The following STX6 variants were observed in gnomAD, a reference collection of about 807,000 sequenced individuals.
STX6 encodes the protein syntaxin-6.
Under a neutral mutation model 38.0 loss-of-function variants are expected in STX6, and 23 were observed. The ratio of observed to expected loss-of-function variants is 0.60; its 90% confidence interval spans 0.43 to 0.86. The LOEUF is 0.86. Among genes scored for constraint, STX6 ranks in the 40% least tolerant of loss-of-function variants. The pLI is 0.00. For synonymous variants in STX6, 123 were observed against 107.5 expected (o/e 1.14, Z -0.89); for missense variants, 274 against 312.9 (o/e 0.88, Z 0.94).
rs1467530336 is a variant in STX6 at position 181,022,588 on chromosome 1, C to T, written c.35+51G>A. 3.2e-6 allele frequency: 5 copies of T among 1,572,764 alleles called. No homozygotes were observed. In the South Asian group the frequency reaches 4.6e-5, roughly 15 times the overall value. ...TGCGAGAAGACCTAGGAGGTGCGGGCAGGCAGCACCGCCACCTCTTCCTCC... is the reference window on the plus strand; with the variant it reads ...TGCGAGAAGACCTAGGAGGTGCGGGTAGGCAGCACCGCCACCTCTTCCTCC... On this transcript the variant is annotated intron_variant, in intron 1 of 7. Transcript: ENST00000258301.
chr1:180,981,605 C>A (rs961599558), intron 7 of STX6, among the ~76,000 whole-genome samples: 1 of 152,142 alleles, frequency 6.6e-6, no homozygotes, highest in Admixed American at 6.5e-5. Flanking sequence ...ACCCTCCAAT[C>A]ACCTTCTCTT....
chr1:181,005,761 G>A (rs1479833237), intron 1 of STX6, among the ~76,000 whole-genome samples: 1 of 152,184 alleles, frequency 6.6e-6, no homozygotes, highest in Non-Finnish European at 1.5e-5. Context: ...AAAGTATAAT[G>A]AAGCAATCCT....
intron 1 of STX6, among the ~76,000 whole-genome samples, chr1:181,021,330 A>C (rs1558102991): frequency 6.6e-6 from 1 of 152,252 alleles, no homozygotes; most frequent in Non-Finnish European, 1.5e-5. Flanking sequence ...AGGTAGGGAT[A>C]CACATATTAC....
chr1:181,004,084 A>G (rs1656158093), intron 2 of STX6, among the ~76,000 whole-genome samples: 1 of 152,214 alleles, frequency 6.6e-6, no homozygotes, highest in South Asian at 2.1e-4. Context: ...GTGCCATTCT[A>G]AACTCTTTAC....
intron 1 of STX6, among the ~76,000 whole-genome samples, chr1:181,015,769 C>A (rs1656537426): frequency 6.6e-6 from 1 of 151,728 alleles, no homozygotes; most frequent in African/African-American, 2.4e-5. Context: ...AAGCAATTCT[C>A]CTGCCTCAGC....
chr1:181,005,385 T>G lies in STX6; in HGVS notation c.114A>C (p.Ala38=), dbSNP rs1326195135. 5 of 1,614,022 alleles carry G rather than the reference T, an allele frequency of 3.1e-6. No homozygotes were observed. The highest frequency in any genetic ancestry group is 4.2e-6 in the Non-Finnish European group (5 of 1,180,014). Residue 38 remains alanine (A), a synonymous_variant, in exon 2 of 8, where the codon GCA becomes GCC. Coordinates refer to ENST00000258301, the MANE Select transcript of STX6 (RefSeq NM_005819.6). ...TGGTCCAGTCGATTTCTTCCCTTGT[T>G]GCTGTGGAGGGGTCCTGGAGGAGCT... ...WTELLQDPST[A]TREEIDWTTN...
intron 4 of STX6, among the ~76,000 whole-genome samples, chr1:180,991,825 A>G (rs189222415): frequency 6.6e-6 from 1 of 152,210 alleles, no homozygotes; most frequent in Admixed American, 6.5e-5. Flanking sequence ...TATTCCTTGA[A>G]AATTTGCAAC....
chr1:180,977,561 G>A (rs1377022943), intron 7 of STX6, among the ~76,000 whole-genome samples: 1 of 152,230 alleles, frequency 6.6e-6, no homozygotes, highest in East Asian at 1.9e-4. Flanking sequence ...TAGAAAAAAT[G>A]AGCAGTCCTT....
chr1:181,022,528 C>CGT (rs1656768753), intron 1 of STX6, 111 bp downstream of exon 1: 1 of 1,119,314 alleles, frequency 8.9e-7, no homozygotes, highest in East Asian at 2.6e-5. Flanking sequence ...CACTGTTCCC[C>CGT]CTCCCCAGCT....
At chr1:181,018,822 T>C (rs1656643641) in intron 1 of STX6, among the ~76,000 whole-genome samples, 1 of 152,234 alleles carries the variant, frequency 6.6e-6, no homozygotes, top group Non-Finnish European at 1.5e-5. Flanking sequence ...CCTAATTTCA[T>C]GTCATTTCCT....
Position 181,022,626 on chromosome 1 carries a change from G to T in STX6, c.35+13C>A. On this transcript the variant is annotated intron_variant, in intron 1 of 7. Transcript: ENST00000258301. The stretch of plus-strand genomic sequence containing the variant: ...CACCTCTTCCTCCGGTGGAGCGCTC[G>T]GCCGACACTCACCCTTTCACCACAA... 6.2e-7 allele frequency: 1 copy of T among 1,608,138 alleles called. No homozygotes were observed. The highest frequency in any genetic ancestry group is 1.7e-5 in the Admixed American group (1 of 59,462).
intron 7 of STX6, among the ~76,000 whole-genome samples, chr1:180,982,151 G>A (rs1432755855): frequency 6.6e-6 from 1 of 152,164 alleles, no homozygotes; most frequent in Non-Finnish European, 1.5e-5. Context: ...AGCGGAGATG[G>A]TCCGCCTGTG....
At chr1:180,988,407 C>A in intron 5 of STX6, 62 bp from the exon 6 acceptor site, 1 of 1,318,460 alleles carries the variant, frequency 7.6e-7, no homozygotes. Context: ...CCAAGCCCAG[C>A]ACTCTAGCAG....
At chr1:180,996,357 G>A (rs866322710) in intron 3 of STX6, among the ~76,000 whole-genome samples, 1 of 152,158 alleles carries the variant, frequency 6.6e-6, no homozygotes, top group African/African-American at 2.4e-5. Flanking sequence ...CTTATGAAGA[G>A]AGTTCAGTGA....
chr1:181,013,516 C>T (rs995674219), intron 1 of STX6, among the ~76,000 whole-genome samples: 13 of 152,160 alleles, frequency 8.5e-5, no homozygotes, highest in South Asian at 2.1e-4. Context: ...AACAGGGTCT[C>T]GCTGTTGCCC....
rs1401182760 is a variant in STX6, at chr1:181,022,714, G to A, written c.-41C>T. 3 of 1,579,326 alleles carry A rather than the reference G, an allele frequency of 1.9e-6. No homozygotes were observed. In the African/African-American group the frequency reaches 4.1e-5, roughly 21 times the overall value. On this transcript the variant is annotated 5_prime_UTR_variant, in exon 1 of 8. Transcript: ENST00000258301. ...GCCGCCTTCACCTCCTCCGCGCACA[G>A]GGCGCCCGTGCCTCCCGGTCTCCCT...
intron 7 of STX6, among the ~76,000 whole-genome samples, chr1:180,979,594 A>G (rs1350008410): frequency 6.6e-6 from 1 of 152,262 alleles, no homozygotes; most frequent in African/African-American, 2.4e-5. Flanking sequence ...AACTCCTGGA[A>G]GAAAACACAG....
chr1:180,987,049 G>T (rs1321559866), intron 6 of STX6, among the ~76,000 whole-genome samples: 1 of 152,096 alleles, frequency 6.6e-6, no homozygotes, highest in Non-Finnish European at 1.5e-5. Flanking sequence ...CACCTCCACT[G>T]GTCTCTCATT....
At chr1:180,999,021 T>C (rs1324008263) in intron 3 of STX6, among the ~76,000 whole-genome samples, 1 of 152,232 alleles carries the variant, frequency 6.6e-6, no homozygotes, top group African/African-American at 2.4e-5. Context: ...TCATAATTCT[T>C]ACATTTCAAG....
Sources: allele counts gnomAD v4.1 joint callset (sites outside exome capture counted in the v4.1 genomes callset), GRCh38; gene constraint gnomAD v4.1.1; transcripts MANE v1.5; gene names NCBI Gene and HGNC (gene_info 2026-07-23, HGNC 2026-07-21).